C12orf42: variants seen among roughly 807,000 people sequenced by gnomAD.
C12orf42 encodes the protein uncharacterized protein C12orf42.
A neutral mutation model predicts 21.6 loss-of-function variants in C12orf42; 25 were observed. That is an observed-to-expected ratio of 1.16 (90% CI 0.84 to 1.62). C12orf42 has a LOEUF of 1.62. Among genes scored for constraint, C12orf42 ranks in the 40% most tolerant of loss-of-function variants. The pLI, the probability that C12orf42 is intolerant of heterozygous loss-of-function variation, is 0.00. For synonymous variants in C12orf42, 174 were observed against 175.0 expected (o/e 0.99, Z 0.05); for missense variants, 483 against 459.3 (o/e 1.05, Z -0.47).
At chr12:103,367,468 A>G (rs748029045) in intron 4 of C12orf42, among the ~76,000 whole-genome samples, 1 of 151,824 alleles carries the variant, frequency 6.6e-6, no homozygotes, top group Non-Finnish European at 1.5e-5. Flanking sequence ...AAAATAAAGA[A>G]AGAAAAAAAA....
chr12:103,271,705 G>A lies in C12orf42; in HGVS notation n.399-1852C>T, dbSNP rs144596170. Among the ~76,000 whole-genome samples the A allele has an allele frequency of 4.4e-4, 67 of 152,234 alleles. No individual in the cohort carries two copies. In the East Asian group the frequency reaches 0.013, roughly 29 times the overall value. ...CTATGACCATGAAGAGTAAGGCCAA[G>A]GACACAGGACACTGGGGGATATAGT... On this transcript the variant is annotated intron_variant and non_coding_transcript_variant, in intron 5 of 6. Transcript: ENST00000546526.
chr12:103,091,790 C>CT, the C12orf42 span, among the ~76,000 whole-genome samples: 1 of 152,120 alleles, frequency 6.6e-6, no homozygotes, highest in African/African-American at 2.4e-5. Context: ...TTGAAATCAC[C>CT]TTTTTTTCCA....
intron 2 of C12orf42, among the ~76,000 whole-genome samples, chr12:103,446,725 A>T (rs1951597800): frequency 6.6e-6 from 1 of 152,048 alleles, no homozygotes; most frequent in South Asian, 2.1e-4. Context: ...ATATCAGAAA[A>T]AAACAGACTT....
chr12:103,449,152 G>T (rs370299514), intron 2 of C12orf42, among the ~76,000 whole-genome samples: 1 of 151,704 alleles, frequency 6.6e-6, no homozygotes. Context: ...GGAATACTAC[G>T]CAACCATAAA....
At chr12:103,432,344 A>G (rs948755741) in intron 2 of C12orf42, among the ~76,000 whole-genome samples, 156 of 152,154 alleles carry the variant, frequency 1.0e-3, no homozygotes, top group Non-Finnish European at 1.3e-4. Flanking sequence ...ACTAATTATT[A>G]TTTTAGAGAG....
the C12orf42 span, among the ~76,000 whole-genome samples, chr12:103,187,327 A>C: frequency 6.6e-6 from 1 of 152,234 alleles, no homozygotes; most frequent in African/African-American, 2.4e-5. Context: ...AAAAAAACTG[A>C]AACACAGAGA....
intron 2 of C12orf42, among the ~76,000 whole-genome samples, chr12:103,404,942 C>G (rs2048312178): frequency 6.6e-6 from 1 of 152,208 alleles, no homozygotes. Flanking sequence ...ACACTTGAAC[C>G]ACCTAATAGG....
the C12orf42 span, among the ~76,000 whole-genome samples, chr12:103,153,157 T>C: frequency 9.9e-5 from 15 of 152,152 alleles, no homozygotes; most frequent in Non-Finnish European, 1.0e-4. Flanking sequence ...TTACTTTACA[T>C]TGTGTACCAA....
chr12:103,203,275 C>T, the C12orf42 span, among the ~76,000 whole-genome samples: 3 of 152,096 alleles, frequency 2.0e-5, no homozygotes, highest in East Asian at 1.9e-4. Context: ...TCCCCAATCC[C>T]GTGATTTCAT....
At chr12:103,333,067 T>C (rs1281916108) in intron 4 of C12orf42, among the ~76,000 whole-genome samples, 3 of 152,150 alleles carry the variant, frequency 2.0e-5, no homozygotes, top group Admixed American at 6.5e-5. Flanking sequence ...ATGGCACAAA[T>C]TTAAGAAGAG....
rs190821669 is a variant in C12orf42, at chr12:103,284,172, T to G, written n.338-6962A>C. Among the ~76,000 whole-genome samples the G allele has an allele frequency of 3.4e-3, 523 of 152,316 alleles. 3 individuals carry two copies. Among genetic ancestry groups the G allele is most frequent in the Non-Finnish European group, 3.3e-3 (222 of 68,016 alleles). On this transcript the variant is annotated intron_variant and non_coding_transcript_variant, in intron 4 of 6. Transcript: ENST00000546526. ...TTACATAAGACGGCAAGGGCTTCTTTTATTTCTGAAATTTTAAACCTGCTA... is the reference window on the plus strand; with the variant it reads ...TTACATAAGACGGCAAGGGCTTCTTGTATTTCTGAAATTTTAAACCTGCTA...
At chr12:103,208,908 CA>C in the C12orf42 span, among the ~76,000 whole-genome samples, 749 of 152,270 alleles carry the variant, frequency 4.9e-3, 3 homozygotes, top group African/African-American at 0.017. Context: ...TCCTCATGAA[CA>C]GTTTCTTCCT....
intron 3 of C12orf42, among the ~76,000 whole-genome samples, chr12:103,400,135 G>C (rs1404911641): frequency 6.6e-6 from 1 of 152,118 alleles, no homozygotes; most frequent in Non-Finnish European, 1.5e-5. Flanking sequence ...GAAAGAGAGA[G>C]GAAGGGATGA....
intron 4 of C12orf42, among the ~76,000 whole-genome samples, chr12:103,313,768 G>A (rs931723181): frequency 1.3e-5 from 2 of 152,198 alleles, no homozygotes; most frequent in African/African-American, 4.8e-5. Context: ...AAGGACTCAA[G>A]TAGAAAATTA....
intron 4 of C12orf42, among the ~76,000 whole-genome samples, chr12:103,317,762 C>T (rs1228937846): frequency 5.3e-5 from 8 of 152,000 alleles, no homozygotes; most frequent in African/African-American, 2.4e-5. Flanking sequence ...TTTTGAAACA[C>T]TATGTTACCA....
At chr12:103,066,676 G>T in the C12orf42 span, among the ~76,000 whole-genome samples, 22 of 152,318 alleles carry the variant, frequency 1.4e-4, no homozygotes, top group African/African-American at 5.1e-4. Context: ...GTACTGATTC[G>T]TGGGCTGTAG....
intron 3 of C12orf42, among the ~76,000 whole-genome samples, chr12:103,400,360 TC>T (rs2138669129): frequency 6.6e-6 from 1 of 152,338 alleles, no homozygotes; most frequent in Admixed American, 6.5e-5. Context: ...GGATCTGTGG[TC>T]CCCTTTCATG....
At chr12:103,294,624 G>GAAGGA (rs1555246100) in intron 4 of C12orf42, among the ~76,000 whole-genome samples, 1 of 139,932 alleles carries the variant, frequency 7.1e-6, no homozygotes, top group African/African-American at 2.9e-5. Context: ...AAGAAAGAAA[G>GAAGGA]AAAGAAAGAA....
At chr12:103,543,895 TG>T in the C12orf42 span, among the ~76,000 whole-genome samples, 352 of 143,814 alleles carry the variant, frequency 2.4e-3, 3 homozygotes, top group African/African-American at 7.9e-3. Context: ...TTTTTTGTTT[TG>T]TTTTTTGTTT....
Sources: allele counts gnomAD v4.1 joint callset (sites outside exome capture counted in the v4.1 genomes callset), GRCh38; gene constraint gnomAD v4.1.1; transcripts MANE v1.5; gene names NCBI Gene and HGNC (gene_info 2026-07-23, HGNC 2026-07-21).